The following ZC3H12B variants were observed in gnomAD, a reference collection of about 807,000 sequenced individuals.
ZC3H12B encodes zinc finger CCCH-type containing 12B.
Under a neutral mutation model 43.9 loss-of-function variants are expected in ZC3H12B, and 7 were observed. That is an observed-to-expected ratio of 0.16 (90% CI 0.09 to 0.30). The LOEUF is 0.30. ZC3H12B is among the 10% of genes least tolerant of loss of function. ZC3H12B has a pLI of 1.00. For missense variants in ZC3H12B, 475 were observed against 670.2 expected (o/e 0.71, Z 3.22); for synonymous variants, 222 against 241.7 (o/e 0.92, Z 0.76).
At chrX:65,288,118 C>T in the ZC3H12B span, among the ~76,000 whole-genome samples, 6 of 109,425 alleles carry the variant, frequency 5.5e-5, no homozygotes, top group East Asian at 1.7e-3. Context: ...AGGAAGATAC[C>T]GAAAATATGA....
upstream of ZC3H12B, among the ~76,000 whole-genome samples, chrX:65,364,241 C>G (rs1471415056): frequency 9.0e-6 from 1 of 110,815 alleles, no homozygotes; most frequent in East Asian, 2.8e-4. Context: ...CGAGCCCTCA[C>G]TCTTGCAAAG....
intron 3 of ZC3H12B, among the ~76,000 whole-genome samples, chrX:65,477,686 C>T (rs747515871): frequency 1.8e-5 from 2 of 109,991 alleles, no homozygotes; most frequent in South Asian, 4.0e-4. Context: ...CACTTGAACA[C>T]GGGAGGCGGA....
chrX:65,334,247 G>GA, the ZC3H12B span, among the ~76,000 whole-genome samples: 1 of 111,751 alleles, frequency 8.9e-6, no homozygotes, highest in African/African-American at 3.2e-5. Flanking sequence ...TTCAATTTAT[G>GA]AAAAAACTGA....
At chrX:65,050,974 T>C in the ZC3H12B span, among the ~76,000 whole-genome samples, 4 of 111,523 alleles carry the variant, frequency 3.6e-5, no homozygotes, top group African/African-American at 1.3e-4. Flanking sequence ...CCTTCAATTT[T>C]TTTGGAAGAC....
chrX:65,213,223 G>A, the ZC3H12B span, among the ~76,000 whole-genome samples: 9 of 109,884 alleles, frequency 8.2e-5, no homozygotes, highest in Admixed American at 8.9e-4. Context: ...GTGCCCACGA[G>A]TATACCAAGT....
chrX:65,457,093 C>T (rs749519864), intron 3 of ZC3H12B, among the ~76,000 whole-genome samples: 28 of 91,194 alleles, frequency 3.1e-4, no homozygotes, highest in Admixed American at 2.0e-3. Flanking sequence ...TCTGCCCCGC[C>T]GCCCTGTCTG....
the ZC3H12B span, among the ~76,000 whole-genome samples, chrX:65,158,564 T>G: frequency 1.8e-5 from 2 of 112,243 alleles, no homozygotes; most frequent in Non-Finnish European, 3.8e-5. Context: ...GCTGCATAAA[T>G]GTCTTCTTTT....
the ZC3H12B span, among the ~76,000 whole-genome samples, chrX:65,091,660 C>T: frequency 4.5e-5 from 5 of 111,182 alleles, no homozygotes; most frequent in African/African-American, 1.6e-4. Context: ...ATATTATTAA[C>T]CTCATTTTGT....
chrX:65,189,809 C>A, the ZC3H12B span, among the ~76,000 whole-genome samples: 1 of 110,945 alleles, frequency 9.0e-6, no homozygotes, highest in Non-Finnish European at 1.9e-5. Flanking sequence ...TAATTAGATC[C>A]CATTTGTCAA....
At chrX:65,080,750 A>G in the ZC3H12B span, among the ~76,000 whole-genome samples, 1 of 111,876 alleles carries the variant, frequency 8.9e-6, no homozygotes, top group Non-Finnish European at 1.9e-5. Context: ...AACTATAAAG[A>G]AAAAGATGTT....
intron 1 of ZC3H12B, among the ~76,000 whole-genome samples, chrX:65,495,944 C>T (rs1602535505): frequency 1.8e-5 from 2 of 111,444 alleles, no homozygotes; most frequent in East Asian, 2.8e-4. Context: ...TGGGCTCAAA[C>T]AATTCTCCCA....
chrX:65,056,339 C>T, the ZC3H12B span, among the ~76,000 whole-genome samples: 3 of 111,516 alleles, frequency 2.7e-5, no homozygotes, highest in Non-Finnish European at 5.7e-5. Context: ...GCCTTCATTT[C>T]CTTATGTACC....
chrX:65,480,200 T>C (rs2148211574), intron 3 of ZC3H12B, among the ~76,000 whole-genome samples: 1 of 112,620 alleles, frequency 8.9e-6, no homozygotes, highest in African/African-American at 3.2e-5. Context: ...TTTAAATTTA[T>C]GTAACTATCA....
the ZC3H12B span, among the ~76,000 whole-genome samples, chrX:65,281,158 C>T: frequency 2.8e-5 from 3 of 108,903 alleles, no homozygotes; most frequent in Non-Finnish European, 5.7e-5. Flanking sequence ...ATGGTACTGG[C>T]ATTAAAAAAG....
the ZC3H12B span, among the ~76,000 whole-genome samples, chrX:65,348,565 G>T: frequency 1.8e-5 from 2 of 110,805 alleles, no homozygotes; most frequent in South Asian, 3.8e-4. Flanking sequence ...GACACAGGCT[G>T]CCAAATAGGA....
upstream of ZC3H12B, among the ~76,000 whole-genome samples, chrX:65,487,167 T>A (rs1441016279): frequency 8.9e-6 from 1 of 112,893 alleles, no homozygotes; most frequent in Non-Finnish European, 1.9e-5. Context: ...TTTGGCTCTG[T>A]TTCCAAATGT....
chrX:65,097,701 G>A, the ZC3H12B span, among the ~76,000 whole-genome samples: 1 of 112,070 alleles, frequency 8.9e-6, no homozygotes, highest in Non-Finnish European at 1.9e-5. Context: ...TAGAGAAAAT[G>A]AAACAAATAG....
chrX:65,425,695 C>T (rs1353068532), intron 3 of ZC3H12B, among the ~76,000 whole-genome samples: 1 of 111,554 alleles, frequency 9.0e-6, no homozygotes, highest in African/African-American at 3.3e-5. Context: ...TATCAAAAGG[C>T]TTTTCTGCAT....
chrX:65,480,440 C>T (rs1756487237), intron 3 of ZC3H12B, among the ~76,000 whole-genome samples: 1 of 112,557 alleles, frequency 8.9e-6, no homozygotes, highest in Non-Finnish European at 1.9e-5. Context: ...CAACTTACCA[C>T]TATTTGAGTA....
Sources: gnomAD v4.1 joint callset for allele counts (sites outside exome capture counted in the v4.1 genomes callset) on GRCh38, gnomAD v4.1.1 for gene constraint, MANE v1.5 for transcripts, NCBI Gene and HGNC (gene_info 2026-07-23, HGNC 2026-07-21) for gene names.